Variants in VAT1L observed in about 807,000 individuals in gnomAD.
VAT1L encodes the protein vesicle amine transport 1 like, also known as putative NADPH-dependent quinone oxidoreductase VAT1L.
A neutral mutation model predicts 44.1 loss-of-function variants in VAT1L; 34 were observed. That is an observed-to-expected ratio of 0.77 (90% confidence interval 0.59 to 1.03). The LOEUF is 1.03. Among genes scored for constraint, VAT1L ranks in the 50% least tolerant of loss-of-function variants. The probability of loss-of-function intolerance (pLI) is 0.00; values close to 1 mark genes in which losing one functional copy is unlikely to be tolerated. For missense variants in VAT1L, 615 were observed against 538.8 expected, an observed-to-expected ratio of 1.14 and a Z score of -1.40; for synonymous variants, 253 against 202.2, an observed-to-expected ratio of 1.25 and a Z score of -2.13.
At chr16:77,962,886 C>A (rs991630601) in intron 7 of VAT1L, among the ~76,000 whole-genome samples, 33 of 152,232 alleles carry the variant, frequency 2.2e-4, no homozygotes, top group Non-Finnish European at 1.3e-4. Flanking sequence ...GTAGAGGCTG[C>A]AGTGGGTTGT....
chr16:77,959,126 C>G (rs1253316287), intron 7 of VAT1L, among the ~76,000 whole-genome samples: 1 of 152,180 alleles, frequency 6.6e-6, no homozygotes, highest in Non-Finnish European at 1.5e-5. Flanking sequence ...CAGTCACCTC[C>G]TCTGCCCCAC....
At chr16:77,962,902 T>C (rs1321400757) in intron 7 of VAT1L, among the ~76,000 whole-genome samples, 2 of 152,086 alleles carry the variant, frequency 1.3e-5, no homozygotes, top group East Asian at 1.9e-4. Flanking sequence ...GTTGTGATCA[T>C]GCCACTGCAC....
intron 7 of VAT1L, among the ~76,000 whole-genome samples, chr16:77,960,598 C>T (rs1446611689): frequency 6.6e-6 from 1 of 152,176 alleles, no homozygotes; most frequent in Non-Finnish European, 1.5e-5. Flanking sequence ...TCTCCTTTCT[C>T]CTGTTTTCTG....
chr16:77,949,243 A>G (rs1259551682), intron 7 of VAT1L, among the ~76,000 whole-genome samples: 1 of 152,196 alleles, frequency 6.6e-6, no homozygotes, highest in African/African-American at 2.4e-5. Context: ...GACTGCCTGC[A>G]GCAGGGAGAT....
intron 7 of VAT1L, among the ~76,000 whole-genome samples, chr16:77,895,034 G>A (rs935387820): frequency 1.6e-4 from 24 of 151,270 alleles, no homozygotes; most frequent in Admixed American, 2.6e-4. Flanking sequence ...TCCTTCCTGT[G>A]TGACTTCTTT....
chr16:77,942,760 T>C (rs1048618460), intron 7 of VAT1L, among the ~76,000 whole-genome samples: 7 of 152,134 alleles, frequency 4.6e-5, no homozygotes, highest in African/African-American at 1.7e-4. Flanking sequence ...TCTTTGTTTT[T>C]TTGAGACAGA....
chr16:77,831,898 T>TTC (rs1286397074), intron 3 of VAT1L, among the ~76,000 whole-genome samples: 1 of 151,758 alleles, frequency 6.6e-6, no homozygotes, highest in Non-Finnish European at 1.5e-5. Flanking sequence ...TCACTGCAAC[T>TTC]TCTGCCTCCC....
At chr16:77,892,495 T>C (rs995213790) in intron 7 of VAT1L, 18 of 546,318 alleles carry the variant, frequency 3.3e-5, no homozygotes, top group African/African-American at 3.0e-4. Context: ...TTGAGCTGTT[T>C]GCAGACAAGT....
intron 3 of VAT1L, among the ~76,000 whole-genome samples, chr16:77,842,991 C>G (rs2016721772): frequency 6.6e-6 from 1 of 152,180 alleles, no homozygotes; most frequent in African/African-American, 2.4e-5. Context: ...TTCTCATCAA[C>G]TCATTTTGAG....
At chr16:77,875,180 A>G (rs1445991487) in intron 4 of VAT1L, among the ~76,000 whole-genome samples, 1 of 152,162 alleles carries the variant, frequency 6.6e-6, no homozygotes, top group Non-Finnish European at 1.5e-5. Flanking sequence ...GAGCCTTGGT[A>G]GTGGGCTGGA....
At chr16:77,976,556 C>G (rs1294182145) in intron 8 of VAT1L, among the ~76,000 whole-genome samples, 1 of 152,038 alleles carries the variant, frequency 6.6e-6, no homozygotes, top group Non-Finnish European at 1.5e-5. Context: ...GCCAAGGACT[C>G]AAGTGTGGGA....
intron 7 of VAT1L, among the ~76,000 whole-genome samples, chr16:77,932,100 T>C: frequency 8.2e-6 from 1 of 122,008 alleles, no homozygotes; most frequent in Non-Finnish European, 1.7e-5. Context: ...TGAAATACAG[T>C]AATTTTTTTT....
chr16:77,949,297 G>T (rs953426745), intron 7 of VAT1L, among the ~76,000 whole-genome samples: 1 of 152,182 alleles, frequency 6.6e-6, no homozygotes, highest in Non-Finnish European at 1.5e-5. Flanking sequence ...TGGTGGCCTG[G>T]AGCGAGTAAG....
chr16:77,921,762 G>C (rs2017614282), intron 7 of VAT1L, among the ~76,000 whole-genome samples: 1 of 151,150 alleles, frequency 6.6e-6, no homozygotes, highest in Non-Finnish European at 1.5e-5. Flanking sequence ...TTTTCTTTTT[G>C]AGACAGGATC....
chr16:77,960,728 T>C (rs533240502), intron 7 of VAT1L, among the ~76,000 whole-genome samples: 2 of 152,152 alleles, frequency 1.3e-5, no homozygotes, highest in East Asian at 1.9e-4. Flanking sequence ...GAACCCCCTA[T>C]TGATAACCAA....
intron 1 of VAT1L, among the ~76,000 whole-genome samples, chr16:77,805,925 A>C (rs1381648815): frequency 1.5e-5 from 2 of 130,670 alleles, no homozygotes; most frequent in Admixed American, 8.8e-5. Context: ...AGCAATGGTG[A>C]GATCTCAGAT....
intron 7 of VAT1L, among the ~76,000 whole-genome samples, chr16:77,942,160 A>G (rs949909464): frequency 9.2e-5 from 14 of 152,310 alleles, no homozygotes; most frequent in Admixed American, 6.5e-4. Flanking sequence ...TCACAGTTCC[A>G]TGTGGCTGGG....
chr16:77,904,889 C>T (rs1298925345), intron 7 of VAT1L, among the ~76,000 whole-genome samples: 1 of 152,148 alleles, frequency 6.6e-6, no homozygotes, highest in Non-Finnish European at 1.5e-5. Flanking sequence ...TGTAAGCCTA[C>T]TTCTCTTCAT....
chr16:77,861,101 G>C (rs1201191519), intron 3 of VAT1L, among the ~76,000 whole-genome samples: 1 of 152,154 alleles, frequency 6.6e-6, no homozygotes, highest in Non-Finnish European at 1.5e-5. Flanking sequence ...GATTCTCTCA[G>C]TGTTGCCTTT....
Sources: allele counts gnomAD v4.1 joint callset (sites outside exome capture counted in the v4.1 genomes callset), GRCh38; gene constraint gnomAD v4.1.1; transcripts MANE v1.5; gene names NCBI Gene and HGNC (gene_info 2026-07-23, HGNC 2026-07-21).